Variants in COL21A1 observed in about 807,000 individuals in gnomAD.
The protein encoded by COL21A1 is collagen type XXI alpha 1 chain.
Under a neutral mutation model 137.9 loss-of-function variants are expected in COL21A1, and 149 were observed. The ratio of observed to expected loss-of-function variants is 1.08; its 90% CI spans 0.95 to 1.24. The LOEUF (loss-of-function observed/expected upper bound fraction) is 1.24. COL21A1 is among the 50% of genes most tolerant of loss of function. The probability of loss-of-function intolerance (pLI) is 0.00; values close to 1 mark genes in which losing one functional copy is unlikely to be tolerated. For missense variants in COL21A1, 1,167 were observed against 1,158.4 expected (o/e 1.01, Z -0.11); for synonymous variants, 456 against 391.5 (o/e 1.16, Z -1.95).
chr6:56,293,847 C>A (rs887127343), intron 1 of COL21A1, among the ~76,000 whole-genome samples: 1 of 152,060 alleles, frequency 6.6e-6, no homozygotes, highest in Non-Finnish European at 1.5e-5. Flanking sequence ...GCTAATTATG[C>A]AAAATGCATT....
At chr6:56,100,778 C>T (rs988461220) in intron 17 of COL21A1, among the ~76,000 whole-genome samples, 6 of 152,084 alleles carry the variant, frequency 3.9e-5, no homozygotes, top group African/African-American at 1.2e-4. Context: ...TTTGGTGATA[C>T]CTCTCTCCCT....
At chr6:56,180,595 C>A (rs6933151) in intron 2 of COL21A1, among the ~76,000 whole-genome samples, 1 of 151,984 alleles carries the variant, frequency 6.6e-6, no homozygotes, top group African/African-American at 2.4e-5. Context: ...GGAAACACAT[C>A]TGGTCAACAC....
chr6:56,294,805 G>C (rs1764126165), intron 1 of COL21A1, among the ~76,000 whole-genome samples: 2 of 151,872 alleles, frequency 1.3e-5, no homozygotes, highest in Admixed American at 1.3e-4. Context: ...TTGTATTTTT[G>C]AGTTTTAAAA....
At chr6:56,312,986 G>A (rs1011310343) in intron 1 of COL21A1, among the ~76,000 whole-genome samples, 3 of 152,154 alleles carry the variant, frequency 2.0e-5, no homozygotes, top group African/African-American at 7.2e-5. Flanking sequence ...ATAGCCTTCC[G>A]CACTAGGAAG....
At chr6:56,161,753 A>G (rs1027777727) in intron 9 of COL21A1, among the ~76,000 whole-genome samples, 1 of 152,150 alleles carries the variant, frequency 6.6e-6, no homozygotes, top group East Asian at 1.9e-4. Flanking sequence ...AGTTACAATG[A>G]CAATGATAAG....
intron 16 of COL21A1, among the ~76,000 whole-genome samples, chr6:56,121,968 T>G (rs929993718): frequency 6.6e-6 from 1 of 151,850 alleles, no homozygotes; most frequent in Non-Finnish European, 1.5e-5. Flanking sequence ...AGGTCAAATA[T>G]GAAGGGTAGT....
At chr6:56,349,819 A>C (rs1161901216) in intron 1 of COL21A1, among the ~76,000 whole-genome samples, 2 of 152,206 alleles carry the variant, frequency 1.3e-5, no homozygotes, top group African/African-American at 2.4e-5. Context: ...CAACCTAGAA[A>C]TCTCCTCAAG....
At chr6:56,217,614 G>A (rs1323153378) in intron 1 of COL21A1, among the ~76,000 whole-genome samples, 1 of 152,022 alleles carries the variant, frequency 6.6e-6, no homozygotes, top group Non-Finnish European at 1.5e-5. Context: ...TAAGTATAAT[G>A]ACAGACCAAT....
At chr6:56,136,865 A>G (rs2152230739) in intron 12 of COL21A1, among the ~76,000 whole-genome samples, 1 of 152,228 alleles carries the variant, frequency 6.6e-6, no homozygotes, top group South Asian at 2.1e-4. Flanking sequence ...AGAAATGTAG[A>G]CCATGAACAC....
At chr6:56,239,756 T>TA in intron 1 of COL21A1, among the ~76,000 whole-genome samples, 1 of 152,302 alleles carries the variant, frequency 6.6e-6, no homozygotes. Context: ...TGCTATGGTT[T>TA]CAATGTGTCC....
intron 1 of COL21A1, among the ~76,000 whole-genome samples, chr6:56,199,202 C>G (rs916888116): frequency 6.6e-6 from 1 of 152,080 alleles, no homozygotes; most frequent in African/African-American, 2.4e-5. Flanking sequence ...TCCTCAACAG[C>G]AGAAAGTCCT....
At chr6:56,101,643 T>C in intron 16 of COL21A1, 118 bp from the exon 17 acceptor site, 2 of 741,042 alleles carry the variant, frequency 2.7e-6, no homozygotes, top group Non-Finnish European at 4.5e-6. Flanking sequence ...AAATTAAAAT[T>C]ACTTCTGGAC....
chr6:56,113,489 G>A (rs1352643051), intron 16 of COL21A1, among the ~76,000 whole-genome samples: 2 of 152,138 alleles, frequency 1.3e-5, no homozygotes, highest in African/African-American at 4.8e-5. Flanking sequence ...TGCCTTGAAG[G>A]AAAGGATGCA....
chr6:56,387,263 C>T (rs910606860), intron 1 of COL21A1, among the ~76,000 whole-genome samples: 3 of 152,166 alleles, frequency 2.0e-5, no homozygotes, highest in Admixed American at 6.5e-5. Flanking sequence ...TTTTACATAA[C>T]ATTCCACAAG....
chr6:56,113,350 T>C (rs1771617681), intron 16 of COL21A1, among the ~76,000 whole-genome samples: 1 of 152,130 alleles, frequency 6.6e-6, no homozygotes, highest in Non-Finnish European at 1.5e-5. Flanking sequence ...GTCTTGTATC[T>C]TGAATACCAG....
chr6:56,326,011 GTATAT>G (rs1765080857), intron 1 of COL21A1, among the ~76,000 whole-genome samples: 1 of 2,908 alleles, frequency 3.4e-4, no homozygotes, highest in Non-Finnish European at 8.5e-4. Flanking sequence ...CATATATTAT[GTATAT>G]GTATATACAT....
intron 1 of COL21A1, among the ~76,000 whole-genome samples, chr6:56,327,543 T>C (rs1765123762): frequency 6.6e-6 from 1 of 151,062 alleles, no homozygotes; most frequent in Admixed American, 6.7e-5. Context: ...TAGGGGAACA[T>C]GAAGCAAAAG....
intron 1 of COL21A1, among the ~76,000 whole-genome samples, chr6:56,318,944 AC>A (rs1170117912): frequency 2.0e-5 from 3 of 151,718 alleles, no homozygotes; most frequent in African/African-American, 7.3e-5. Context: ...ACACACACAC[AC>A]ACTCTTAAAC....
At chr6:56,120,643 A>T (rs1171563323) in intron 16 of COL21A1, among the ~76,000 whole-genome samples, 1 of 152,004 alleles carries the variant, frequency 6.6e-6, no homozygotes, top group Non-Finnish European at 1.5e-5. Flanking sequence ...AAAATACAAA[A>T]ATTAGCCGGG....
Sources: allele counts gnomAD v4.1 joint callset (sites outside exome capture counted in the v4.1 genomes callset), GRCh38; gene constraint gnomAD v4.1.1; transcripts MANE v1.5; gene names NCBI Gene and HGNC (gene_info 2026-07-23, HGNC 2026-07-21).